The following ABCB1 variants were observed in gnomAD, a reference collection of about 807,000 sequenced individuals.
ABCB1 encodes ATP-dependent translocase ABCB1.
A neutral mutation model predicts 142.0 loss-of-function variants in ABCB1; 69 were observed. The observed-to-expected ratio is 0.49, with a 90% CI of 0.40 to 0.59. The LOEUF is 0.59. Among genes scored for constraint, ABCB1 ranks in the 20% least tolerant of loss-of-function variants. The pLI is 0.00. For synonymous variants in ABCB1, 532 were observed against 539.2 expected (o/e 0.99, Z 0.18); for missense variants, 1,326 against 1,554.7 (o/e 0.85, Z 2.47).
At chr7:87,690,952 A>C (rs1331997747) in intron 1 of ABCB1, among the ~76,000 whole-genome samples, 1 of 152,150 alleles carries the variant, frequency 6.6e-6, no homozygotes, top group Admixed American at 6.5e-5. Context: ...GAGAGAGAAA[A>C]TAGAATAAAT....
chr7:87,571,748 G>A (rs1818065707), intron 4 of ABCB1, among the ~76,000 whole-genome samples: 1 of 152,182 alleles, frequency 6.6e-6, no homozygotes. Context: ...TTCAATTGAA[G>A]ATGTCCAATA....
intron 20 of ABCB1, among the ~76,000 whole-genome samples, chr7:87,534,924 A>AG (rs1816216136): frequency 7.1e-6 from 1 of 140,822 alleles, no homozygotes; most frequent in Non-Finnish European, 1.6e-5. Flanking sequence ...CTTTAAAAAA[A>AG]AAAAAAAAAA....
rs188256231 is a variant in ABCB1 at position 87,580,440 on chromosome 7, A to G, written c.286+5072T>C. Reference sequence around the variant, plus strand: ...TCCAGACATGTTGGAGCTCCTTTGTATGTTATTTGTTCCTTTTCTCTTGCT... The same window carrying G: ...TCCAGACATGTTGGAGCTCCTTTGTGTGTTATTTGTTCCTTTTCTCTTGCT... On this transcript the variant is annotated intron_variant, in intron 4 of 27. Coordinates refer to ENST00000622132, the MANE Select transcript of ABCB1 (RefSeq NM_001348946.2). Among the ~76,000 whole-genome samples, 24 of 152,102 alleles carry G rather than the reference A, an allele frequency of 1.6e-4. No individual in the cohort carries two copies. The East Asian group carries it at 4.6e-3, about 29-fold the overall frequency.
At chr7:87,580,571 C>A (rs1187302649) in intron 4 of ABCB1, among the ~76,000 whole-genome samples, 1 of 152,108 alleles carries the variant, frequency 6.6e-6, no homozygotes, top group Admixed American at 6.5e-5. Context: ...ACAACATTCT[C>A]GTACTTGAAT....
chr7:87,678,045 A>G (rs1826555857), intron 1 of ABCB1, among the ~76,000 whole-genome samples: 2 of 152,254 alleles, frequency 1.3e-5, no homozygotes, highest in Admixed American at 6.5e-5. Flanking sequence ...AATGCTAACA[A>G]AAGTTCTTCA....
chr7:87,575,565 G>A (rs1818239256), intron 4 of ABCB1, among the ~76,000 whole-genome samples: 1 of 151,894 alleles, frequency 6.6e-6, no homozygotes, highest in Admixed American at 6.6e-5. Flanking sequence ...CATTTAAGAA[G>A]CTCTAATAAA....
intron 3 of ABCB1, among the ~76,000 whole-genome samples, chr7:87,589,797 G>A (rs956650543): frequency 1.4e-5 from 2 of 138,838 alleles, no homozygotes; most frequent in Non-Finnish European, 3.0e-5. Flanking sequence ...GAAAGAGAGA[G>A]AGAGAGAGGA....
At chr7:87,617,158 G>A (rs1820057763) in intron 1 of ABCB1, among the ~76,000 whole-genome samples, 1 of 152,144 alleles carries the variant, frequency 6.6e-6, no homozygotes, top group Admixed American at 6.6e-5. Context: ...ACCTTTAAGT[G>A]GTTGAAGACA....
intron 25 of ABCB1, among the ~76,000 whole-genome samples, chr7:87,509,804 A>G (rs144981499): frequency 3.6e-4 from 55 of 152,330 alleles, no homozygotes; most frequent in African/African-American, 1.2e-3. Context: ...AAAAGAAACT[A>G]AAGTAGTAGA....
chr7:87,522,497 A>C (rs572212658), intron 21 of ABCB1: 1 of 508,024 alleles, frequency 2.0e-6, no homozygotes, highest in South Asian at 1.5e-5. Flanking sequence ...CAGATTTGTG[A>C]ACTCAGACAA....
chr7:87,652,624 A>ATATATATATATATATATATATATG (rs1823693759), intron 1 of ABCB1, among the ~76,000 whole-genome samples: 2 of 142,836 alleles, frequency 1.4e-5, no homozygotes, highest in East Asian at 2.1e-4. Context: ...GGTCACTGAT[A>ATATATATATATATATATATATATG]TATATATATA....
chr7:87,504,240 A>T lies in ABCB1; in HGVS notation c.*3T>A. 1 of 1,614,124 alleles carries T rather than the reference A, an allele frequency of 6.2e-7. No homozygotes were observed. Among genetic ancestry groups the T allele is most frequent in the East Asian group, 2.2e-5 (1 of 44,890 alleles). ...AGTATTTAACATCTCATACAGTCAG[A>T]GTTCACTGGCGCTTTGTTCCAGCCT... On this transcript the variant is annotated 3_prime_UTR_variant, in exon 28 of 28. Transcript: ENST00000622132.
intron 1 of ABCB1, among the ~76,000 whole-genome samples, chr7:87,613,512 G>T (rs1026077966): frequency 6.6e-6 from 1 of 151,878 alleles, no homozygotes; most frequent in African/African-American, 2.4e-5. Flanking sequence ...ACACATATAC[G>T]CCATGGAATA....
intron 1 of ABCB1, among the ~76,000 whole-genome samples, chr7:87,699,898 T>C (rs1343068816): frequency 1.3e-5 from 2 of 152,202 alleles, no homozygotes; most frequent in Non-Finnish European, 2.9e-5. Flanking sequence ...TATTAGTGAA[T>C]ATAGGATGCT....
At chr7:87,566,287 A>G in intron 6 of ABCB1, 46 bp from the exon 7 acceptor site, 2 of 1,590,560 alleles carry the variant, frequency 1.3e-6, no homozygotes, top group Non-Finnish European at 8.6e-7. Flanking sequence ...AATTGTAAAC[A>G]TCAACTTTTC....
intron 1 of ABCB1, among the ~76,000 whole-genome samples, chr7:87,676,179 A>T (rs1187836410): frequency 6.6e-6 from 1 of 152,080 alleles, no homozygotes; most frequent in Non-Finnish European, 1.5e-5. Flanking sequence ...GTGAGCTATC[A>T]CCTCATCACT....
At position 87,504,052 on chromosome 7, in the gene ABCB1, A is replaced by G; in HGVS notation, c.*191T>C. 1.5e-6 allele frequency: 1 copy of G among 657,808 alleles called. No homozygotes were observed. Among genetic ancestry groups the G allele is most frequent in the Non-Finnish European group, 2.6e-6 (1 of 387,566 alleles). The allele number at this position is 657,808 out of a possible 1,614,324, so 40.7% of individuals were successfully genotyped here. ...AATTTATAATGCAGTTTAAACTATG[A>G]TTTCTCTCCACTTGATGATGTCTCT... On this transcript the variant is annotated 3_prime_UTR_variant, in exon 28 of 28. Coordinates refer to ENST00000622132, the MANE Select transcript of ABCB1 (RefSeq NM_001348946.2).
rs534080415 is a variant in ABCB1, at chr7:87,606,655, A to G, written c.-330-5577T>C. 3.3e-5 allele frequency among the ~76,000 whole-genome samples: 5 copies of G among 152,286 alleles called. No homozygotes were observed. In the South Asian group the frequency reaches 1.0e-3, roughly 32 times the overall value. On this transcript the variant is annotated intron_variant, in intron 1 of 28. Coordinates refer to the ABCB1 transcript ENST00000265724. The stretch of plus-strand genomic sequence containing the variant: ...CAAGGACAAAAGGCAGGGGAAAATT[A>G]TAATAGCATAATATTCACTATATCA...
At chr7:87,677,538 A>G (rs1826499108) in intron 1 of ABCB1, among the ~76,000 whole-genome samples, 1 of 152,088 alleles carries the variant, frequency 6.6e-6, no homozygotes, top group Non-Finnish European at 1.5e-5. Context: ...AGAAAAGGGG[A>G]GATATTGGTC....
Sources: gnomAD v4.1 joint callset for allele counts (sites outside exome capture counted in the v4.1 genomes callset) on GRCh38, gnomAD v4.1.1 for gene constraint, MANE v1.5 for transcripts, NCBI Gene and HGNC (gene_info 2026-07-23, HGNC 2026-07-21) for gene names.